The following ARHGAP10 variants were observed in gnomAD, a reference collection of about 807,000 sequenced individuals.
ARHGAP10 encodes the protein rho GTPase-activating protein 10.
A neutral mutation model predicts 108.6 loss-of-function variants in ARHGAP10; 87 were observed. The observed-to-expected ratio is 0.80, with a 90% CI of 0.67 to 0.96. The LOEUF is 0.96. Among genes scored for constraint, ARHGAP10 ranks in the 40% least tolerant of loss-of-function variants. The probability of loss-of-function intolerance (pLI) is 0.00; values close to 1 mark genes in which losing one functional copy is unlikely to be tolerated. For synonymous variants in ARHGAP10, 347 were observed against 341.1 expected, an observed-to-expected ratio of 1.02 and a Z score of -0.19; for missense variants, 939 against 954.5, an observed-to-expected ratio of 0.98 and a Z score of 0.21.
chr4:147,886,958 G>A (rs1028033083), intron 10 of ARHGAP10, among the ~76,000 whole-genome samples: 2 of 151,590 alleles, frequency 1.3e-5, no homozygotes, highest in Non-Finnish European at 2.9e-5. Flanking sequence ...TTTAGTAGAC[G>A]GAGTTTCAGT....
At chr4:147,754,789 T>G (rs1363971725) in intron 1 of ARHGAP10, among the ~76,000 whole-genome samples, 2 of 152,014 alleles carry the variant, frequency 1.3e-5, no homozygotes, top group African/African-American at 4.8e-5. Flanking sequence ...TATAATGAAG[T>G]CCCTGAAGAA....
chr4:148,027,233 A>C (rs1003787707), intron 19 of ARHGAP10, among the ~76,000 whole-genome samples: 1 of 152,220 alleles, frequency 6.6e-6, no homozygotes, highest in Non-Finnish European at 1.5e-5. Context: ...GGTGTAATTA[A>C]GTATTCTTTG....
intron 1 of ARHGAP10, among the ~76,000 whole-genome samples, chr4:147,802,754 T>C (rs1731632768): frequency 6.6e-6 from 1 of 152,216 alleles, no homozygotes; most frequent in Admixed American, 6.5e-5. Context: ...CTGTCAAAAT[T>C]CAGAACAGAT....
Position 147,866,813 on chromosome 4 carries a change from G to A in ARHGAP10, c.699G>A (p.Gln233=). ...HYKMELQINI[Q]NTRNRFEGTR... The stretch of plus-strand genomic sequence containing the variant: ...AAATGGAACTACAGATCAACATTCA[G>A]AATGTAAGGAAGTGAAAGCTTTCTT... Residue 233 remains glutamine, a synonymous_variant, in exon 7 of 23, where the codon CAG becomes CAA. Transcript: ENST00000336498. 1 of 1,598,162 alleles carries A rather than the reference G, an allele frequency of 6.3e-7. No homozygotes were observed. Among genetic ancestry groups the A allele is most frequent in the Non-Finnish European group, 8.6e-7 (1 of 1,167,298 alleles).
intron 10 of ARHGAP10, among the ~76,000 whole-genome samples, chr4:147,898,954 C>A (rs145618250): frequency 6.6e-6 from 1 of 152,188 alleles, no homozygotes; most frequent in Non-Finnish European, 1.5e-5. Flanking sequence ...TTATACCTTA[C>A]ACCAGATCCC....
intron 1 of ARHGAP10, among the ~76,000 whole-genome samples, chr4:147,750,006 A>G: frequency 6.6e-6 from 1 of 152,192 alleles, no homozygotes; most frequent in South Asian, 2.1e-4. Context: ...TGTTTACCTG[A>G]GTGTGGCAGG....
At chr4:147,796,821 G>A (rs1291013964) in intron 1 of ARHGAP10, among the ~76,000 whole-genome samples, 1 of 152,166 alleles carries the variant, frequency 6.6e-6, no homozygotes, top group Admixed American at 6.5e-5. Flanking sequence ...CACTGCGCCC[G>A]GCCTGTTCCT....
intron 1 of ARHGAP10, among the ~76,000 whole-genome samples, chr4:147,792,594 A>G (rs983784539): frequency 6.6e-6 from 1 of 152,014 alleles, no homozygotes; most frequent in African/African-American, 2.4e-5. Context: ...CTCTTTATAT[A>G]TGCTACCTGA....
At chr4:147,952,728 T>C (rs1410753176) in intron 15 of ARHGAP10, among the ~76,000 whole-genome samples, 1 of 152,150 alleles carries the variant, frequency 6.6e-6, no homozygotes, top group Non-Finnish European at 1.5e-5. Context: ...CTCTCAATAG[T>C]GTCTTTCAAA....
In ARHGAP10 at chr4:147,951,918, C is replaced by T. The variant is rs563884663; in HGVS notation, c.1392-3398C>T. Among the ~76,000 whole-genome samples the T allele has an allele frequency of 1.9e-4, 29 of 152,284 alleles. 2 individuals are homozygous for T. The South Asian group carries it at 4.8e-3, about 25-fold the overall frequency. On this transcript the variant is annotated intron_variant, in intron 15 of 22. Coordinates refer to ENST00000336498, the MANE Select transcript of ARHGAP10 (RefSeq NM_024605.4). ...TGTGCATTATTACCCCCCAAAGTTT[C>T]CTCCTACCATTTGAAATCTCTCTCA...
At chr4:147,849,023 C>T (rs1193991642) in intron 4 of ARHGAP10, among the ~76,000 whole-genome samples, 8 of 152,150 alleles carry the variant, frequency 5.3e-5, no homozygotes, top group Non-Finnish European at 1.2e-4. Flanking sequence ...TGCAGTCTTG[C>T]TCAGTACAGT....
At chr4:147,960,270 T>A (rs1357998337) in intron 16 of ARHGAP10, among the ~76,000 whole-genome samples, 1 of 152,176 alleles carries the variant, frequency 6.6e-6, no homozygotes, top group Non-Finnish European at 1.5e-5. Context: ...TTGGTTGTGT[T>A]ATTTATGTGC....
chr4:148,004,513 A>G (rs1740862441), intron 18 of ARHGAP10, among the ~76,000 whole-genome samples: 1 of 152,174 alleles, frequency 6.6e-6, no homozygotes, highest in African/African-American at 2.4e-5. Flanking sequence ...TTTATTATAT[A>G]AGATTGTCTT....
chr4:147,828,582 T>TC (rs1396240127), intron 3 of ARHGAP10, among the ~76,000 whole-genome samples: 13 of 152,198 alleles, frequency 8.5e-5, no homozygotes, highest in Admixed American at 8.5e-4. Context: ...ATTGAGAAAT[T>TC]CAGGGAAGGC....
intron 18 of ARHGAP10, among the ~76,000 whole-genome samples, chr4:147,990,300 A>G (rs190790930): frequency 5.7e-4 from 87 of 152,352 alleles, no homozygotes; most frequent in Non-Finnish European, 1.0e-3. Flanking sequence ...GGAATGGCAA[A>G]CAGTAACATC....
At chr4:147,919,762 G>A (rs1034614701) in intron 13 of ARHGAP10, among the ~76,000 whole-genome samples, 1 of 152,006 alleles carries the variant, frequency 6.6e-6, no homozygotes, top group African/African-American at 2.4e-5. Flanking sequence ...TGTATTTTTA[G>A]TAGAGGTGGT....
chr4:147,740,967 A>G (rs568179280), intron 1 of ARHGAP10, among the ~76,000 whole-genome samples: 2 of 152,218 alleles, frequency 1.3e-5, no homozygotes, highest in Non-Finnish European at 1.5e-5. Context: ...TCCATAAACA[A>G]TATATAATGT....
chr4:148,049,010 AT>A (rs781372433), intron 20 of ARHGAP10, among the ~76,000 whole-genome samples: 1 of 145,938 alleles, frequency 6.9e-6, no homozygotes. Context: ...AACTTGATTT[AT>A]TTTTTTCTGT....
At chr4:147,837,959 G>T (rs996723469) in intron 3 of ARHGAP10, among the ~76,000 whole-genome samples, 2 of 151,850 alleles carry the variant, frequency 1.3e-5, no homozygotes, top group African/African-American at 4.8e-5. Flanking sequence ...ATACTTTTAG[G>T]TATGCATATG....
Sources: gnomAD v4.1 joint callset for allele counts (sites outside exome capture counted in the v4.1 genomes callset) on GRCh38, gnomAD v4.1.1 for gene constraint, MANE v1.5 for transcripts, NCBI Gene and HGNC (gene_info 2026-07-23, HGNC 2026-07-21) for gene names.